Variants in TRIOBP observed in about 807,000 individuals in gnomAD.
The protein encoded by TRIOBP is TRIO and F-actin binding protein, also known as TRIO and F-actin-binding protein.
Under a neutral mutation model 238.8 loss-of-function variants are expected in TRIOBP, and 169 were observed. The ratio of observed to expected loss-of-function variants is 0.71; its 90% CI spans 0.62 to 0.80. The LOEUF (loss-of-function observed/expected upper bound fraction) is 0.80, where lower values mean the gene tolerates loss of function less well. Among genes scored for constraint, TRIOBP ranks in the 30% least tolerant of loss-of-function variants. The probability of loss-of-function intolerance (pLI) is 0.00; values close to 1 mark genes in which losing one functional copy is unlikely to be tolerated. For synonymous variants in TRIOBP, 1,150 were observed against 1,274.4 expected (o/e 0.90, Z 2.08); for missense variants, 2,838 against 3,122.6 (o/e 0.91, Z 2.17).
Position 37,775,817 on chromosome 22 carries a change from G to A in TRIOBP, c.*2037G>A, listed in dbSNP as rs1165663898. ...AAAAAGGGGGAGGGTGGCGCAAGGA[G>A]AGGACACCTCTCTCCTGGCCCTGTC... On this transcript the variant is annotated 3_prime_UTR_variant, in exon 24 of 24. Coordinates refer to ENST00000644935, the MANE Select transcript of TRIOBP (RefSeq NM_001039141.3). The A allele has an allele frequency of 6.6e-6, 1 of 152,170 alleles. No homozygotes were observed. The highest frequency in any genetic ancestry group is 2.4e-5 in the African/African-American group (1 of 41,420). 9.4% of individuals were successfully genotyped at this position (152,170 alleles called of 1,614,324 possible). A position where few individuals can be genotyped will look rare whatever the true frequency, so the allele number is the denominator to read the frequency against.
intron 17 of TRIOBP, 142 bp from the exon 18 acceptor site, chr22:37,765,528 C>A: frequency 1.9e-6 from 2 of 1,077,350 alleles, no homozygotes; most frequent in South Asian, 2.7e-5. Context: ...GGGGTGGGAG[C>A]AGGAGCAGGT....
At chr22:37,773,054 C>T (rs552775106) in intron 23 of TRIOBP, among the ~76,000 whole-genome samples, 2 of 152,346 alleles carry the variant, frequency 1.3e-5, no homozygotes, top group African/African-American at 2.4e-5. Flanking sequence ...GCAAATGCAG[C>T]GTGCACATCC....
At chr22:37,767,606 C>T (rs1424093477) in intron 18 of TRIOBP, among the ~76,000 whole-genome samples, 1 of 152,204 alleles carries the variant, frequency 6.6e-6, no homozygotes, top group African/African-American at 2.4e-5. Flanking sequence ...GTTAAGTCAC[C>T]TGTGCAAAGT....
Position 37,726,220 on chromosome 22 carries a change from G to C in TRIOBP, c.3664G>C (p.Asp1222His). Residue 1222 changes from aspartate (D) to histidine (H), a missense_variant, in exon 7 of 24, where the codon GAT becomes CAT. Transcript: ENST00000644935. ...CCCCCAAGTGTGCATCGGGCACCGG[G>C]ATGCACCCCGAGCCTCCTCCCCACC... is the stretch of plus-strand genomic sequence containing the variant. Reference protein sequence around the residue: ...LIPQVCIGHRDAPRASSPPRH... With the variant: ...LIPQVCIGHRHAPRASSPPRH... 1 of 1,603,372 alleles carries C rather than the reference G, an allele frequency of 6.2e-7. No individual in the cohort carries two copies. Among genetic ancestry groups the C allele is most frequent in the Admixed American group, 1.7e-5 (1 of 58,696 alleles).
intron 7 of TRIOBP, among the ~76,000 whole-genome samples, chr22:37,728,907 A>G (rs2015846): frequency 0.36 from 54,388 of 151,962 alleles, 10,836 homozygotes; most frequent in East Asian, 0.6. Context: ...GAAAGTCTTC[A>G]GTGTCTTTAA....
rs773664934 is a variant in TRIOBP, at chr22:37,735,380, G to A, written c.5044G>A (p.Glu1682Lys). ...AGCGACCGCAACTCTGGCAGGCCTG[G>A]AGCAGACGGGCCCCCTGGGGAGCAG... ...GPATATLAGL[E>K]QTGPLGSRST... The change falls in exon 9 of 24, where the codon GAG becomes AAG. Residue 1682 changes from glutamate to lysine, a missense_variant. Physicochemically the swap from Glu to Lys is moderately conservative, Grantham distance 56 (BLOSUM62 1). This residue lies in a region of TRIOBP where 2,096 missense variants were observed against 2,137.4 expected (regional missense o/e 0.98). Transcript: ENST00000644935. 7.8e-5 allele frequency: 125 copies of A among 1,608,606 alleles called. No homozygotes were observed. Among genetic ancestry groups the A allele is most frequent in the Non-Finnish European group, 1.0e-4 (121 of 1,177,912 alleles).
At chr22:37,703,671 A>G (rs1022458528) in intron 3 of TRIOBP, among the ~76,000 whole-genome samples, 1 of 151,366 alleles carries the variant, frequency 6.6e-6, no homozygotes, top group Non-Finnish European at 1.5e-5. Context: ...CGCCCAGCTA[A>G]TTTTTTGTCT....
At chr22:37,750,579 G>A (rs1324037285) in intron 11 of TRIOBP, 2 of 465,550 alleles carry the variant, frequency 4.3e-6, no homozygotes, top group Non-Finnish European at 9.0e-6. Flanking sequence ...ACAGAGCAGC[G>A]GGACAAACGC....
chr22:37,715,983 C>T (rs994289258), intron 6 of TRIOBP, 49 bp downstream of exon 6: 1 of 1,605,020 alleles, frequency 6.2e-7, no homozygotes, highest in African/African-American at 1.3e-5. Context: ...CTGGGGCCCC[C>T]CAGATAGCCA....
At chr22:37,741,611 CTT>C (rs1269222147) in intron 11 of TRIOBP, among the ~76,000 whole-genome samples, 3 of 152,230 alleles carry the variant, frequency 2.0e-5, no homozygotes, top group African/African-American at 4.8e-5. Flanking sequence ...TCTCTTCTCT[CTT>C]TGAGAGGCTG....
intron 8 of TRIOBP, among the ~76,000 whole-genome samples, chr22:37,734,041 G>T (rs2145841852): frequency 1.3e-5 from 2 of 152,294 alleles, no homozygotes; most frequent in East Asian, 3.9e-4. Context: ...TCTCTTTCAG[G>T]GTAATTTGTA....
intron 16 of TRIOBP, 105 bp downstream of exon 16, chr22:37,758,243 G>C (rs1434481773): frequency 3.5e-6 from 5 of 1,424,662 alleles, no homozygotes; most frequent in African/African-American, 1.4e-5. Flanking sequence ...GTGATGGGGA[G>C]CTCACCCCTG....
Position 37,763,986 on chromosome 22 carries a change from G to A in TRIOBP, c.6325-1684G>A, listed in dbSNP as rs181945214. Among the ~76,000 whole-genome samples, 4 of 152,320 alleles carry A rather than the reference G, an allele frequency of 2.6e-5. No homozygotes were observed. In the East Asian group the frequency reaches 7.7e-4, roughly 29 times the overall value. ...CCTTCATCTTCAAAGCCTGCAGAGG[G>A]GAAGTCGAGTCCTTCTCCTGCCACG... On this transcript the variant is annotated intron_variant, in intron 17 of 23. Transcript: ENST00000644935.
intron 6 of TRIOBP, among the ~76,000 whole-genome samples, chr22:37,718,130 C>G (rs1258922789): frequency 1.3e-5 from 2 of 152,162 alleles, no homozygotes; most frequent in Non-Finnish European, 2.9e-5. Context: ...GCCGGCCGCT[C>G]CGAGTGCGGG....
rs753531070 is a variant in TRIOBP at position 37,771,637 on chromosome 22, C to T, written c.6850-13C>T. 18 of 1,613,356 alleles carry T rather than the reference C, an allele frequency of 1.1e-5. No homozygotes were observed. In the Admixed American group the frequency reaches 1.8e-4, roughly 16 times the overall value. On this transcript the variant is annotated splice_polypyrimidine_tract_variant and intron_variant, in intron 21 of 23. Coordinates refer to ENST00000644935, the MANE Select transcript of TRIOBP (RefSeq NM_001039141.3). ...CTTCTGGCCCTGGGTCAGTCCAGCA[C>T]CTATATCCCCAGGTGCTGCTTCGCG...
At chr22:37,735,526 G>A in intron 9 of TRIOBP, 84 bp downstream of exon 9, 1 of 1,482,626 alleles carries the variant, frequency 6.7e-7, no homozygotes, top group Non-Finnish European at 9.1e-7. Context: ...TCCCCTTGGA[G>A]TAGCCTAAGC....
At chr22:37,735,477 A>G (rs749930094) in intron 9 of TRIOBP, 35 bp downstream of exon 9, 13 of 1,543,222 alleles carry the variant, frequency 8.4e-6, no homozygotes, top group Non-Finnish European at 9.6e-6. Context: ...GGGTAGCCAG[A>G]AAGTCAGCCC....
At chr22:37,706,990 G>A (rs1290308035) in intron 3 of TRIOBP, among the ~76,000 whole-genome samples, 6 of 152,210 alleles carry the variant, frequency 3.9e-5, no homozygotes, top group South Asian at 4.1e-4. Context: ...ACACTGGGCC[G>A]GGCGCGGTGG....
intron 17 of TRIOBP, chr22:37,759,848 G>GA (rs1371559879): frequency 9.4e-7 from 1 of 1,069,358 alleles, no homozygotes; most frequent in Non-Finnish European, 1.2e-6. Context: ...TAACTCTCTA[G>GA]AAAAAACGTG....
Sources: gnomAD v4.1 joint callset for allele counts (sites outside exome capture counted in the v4.1 genomes callset) on GRCh38, gnomAD v4.1.1 for gene constraint, gnomAD v4.1.1 regional missense constraint, MANE v1.5 for transcripts, NCBI Gene and HGNC (gene_info 2026-07-23, HGNC 2026-07-21) for gene names.